ZC3H12C: variants seen among roughly 807,000 people sequenced by gnomAD.
ZC3H12C encodes probable ribonuclease ZC3H12C.
ZC3H12C carries 20 observed loss-of-function variants against 76.3 expected under a neutral mutation model. The observed-to-expected ratio is 0.26, with a 90% confidence interval of 0.18 to 0.38. ZC3H12C has a LOEUF of 0.38. Among genes scored for constraint, ZC3H12C ranks in the 10% least tolerant of loss-of-function variants. The probability of loss-of-function intolerance (pLI) is 1.00; values close to 1 mark genes in which losing one functional copy is unlikely to be tolerated. For missense variants in ZC3H12C, 874 were observed against 1,086.5 expected, an observed-to-expected ratio of 0.80 and a Z score of 2.75; for synonymous variants, 352 against 399.6, an observed-to-expected ratio of 0.88 and a Z score of 1.42.
Position 110,163,356 on chromosome 11 carries a change from A to G in ZC3H12C, c.1232A>G (p.His411Arg). The G allele has an allele frequency of 6.2e-7, 1 of 1,612,584 alleles. No individual in the cohort carries two copies. The highest frequency in any genetic ancestry group is 8.5e-7 in the Non-Finnish European group (1 of 1,179,338). The stretch of plus-strand genomic sequence containing the variant: ...AGGAAGAAACCTATTGTTCCTGAAC[A>G]CAAAAAGCAGCCTTGTCCATATGGT... ...FLRKKPIVPE[H>R]KKQPCPYGKK... Residue 411 changes from histidine (H) to arginine (R), a missense_variant, in exon 5 of 6, where the codon CAC (histidine) becomes CGC (arginine). His to Arg is a conservative substitution (Grantham distance 29). Around this residue, in one of 3 missense-constraint regions of ZC3H12C, gnomAD observed 269 missense variants for 424.9 expected, o/e 0.63. Transcript: ENST00000278590.
chr11:110,158,238 G>A (rs1055419180), intron 3 of ZC3H12C, among the ~76,000 whole-genome samples: 6 of 152,136 alleles, frequency 3.9e-5, no homozygotes, highest in Non-Finnish European at 8.8e-5. Context: ...AGCCGGGCAC[G>A]GTGGCTCACT....
At position 110,169,820 on chromosome 11, in the gene ZC3H12C, G is replaced by A. The variant is rs1195202031; in HGVS notation, c.*4083G>A. 6.6e-6 allele frequency: 1 copy of A among 152,204 alleles called. No homozygotes were observed. Among genetic ancestry groups the A allele is most frequent in the African/African-American group, 2.4e-5 (1 of 41,450 alleles). 9.4% of individuals were successfully genotyped at this position (152,204 alleles called of 1,614,324 possible). The stretch of plus-strand genomic sequence containing the variant: ...GACTTTTTCTGTAAAGGATCAGATA[G>A]TAAATAATACAGGAATCATATGGAC... On this transcript the variant is annotated 3_prime_UTR_variant, in exon 6 of 6. Transcript: ENST00000278590.
At chr11:110,095,714 A>G (rs1293852741) in intron 1 of ZC3H12C, among the ~76,000 whole-genome samples, 2 of 152,170 alleles carry the variant, frequency 1.3e-5, no homozygotes, top group Admixed American at 6.5e-5. Context: ...GGTACTGGGG[A>G]GTGCCTCAAA....
chr11:110,125,427 T>C (rs1861726036), intron 1 of ZC3H12C, among the ~76,000 whole-genome samples: 1 of 151,964 alleles, frequency 6.6e-6, no homozygotes, highest in Non-Finnish European at 1.5e-5. Context: ...TTCAAGGGAT[T>C]CTCCTGCCTC....
intron 1 of ZC3H12C, among the ~76,000 whole-genome samples, chr11:110,096,828 G>A (rs1030314108): frequency 6.6e-6 from 1 of 152,198 alleles, no homozygotes; most frequent in Non-Finnish European, 1.5e-5. Flanking sequence ...TTGAAGGCAA[G>A]GACCGTGTCT....
intron 1 of ZC3H12C, among the ~76,000 whole-genome samples, chr11:110,101,267 A>C (rs1315539436): frequency 1.3e-5 from 2 of 152,222 alleles, no homozygotes; most frequent in Admixed American, 1.3e-4. Context: ...TTAAGGAAAA[A>C]AGCAAGAGTG....
In ZC3H12C at chr11:110,163,354, A is replaced by G. The variant is rs571337036; in HGVS notation, c.1230A>G (p.Glu410=). The G allele has an allele frequency of 1.5e-5, 24 of 1,612,682 alleles. No individual in the cohort carries two copies. In the South Asian group the frequency reaches 2.5e-4, roughly 17 times the overall value. The change falls in exon 5 of 6, where the codon GAA becomes GAG. Residue 410 remains glutamate (E), a synonymous_variant. Coordinates refer to ENST00000278590, the MANE Select transcript of ZC3H12C (RefSeq NM_033390.2). ...NFLRKKPIVP[E]HKKQPCPYGK... is the part of the protein sequence containing the mutation. ...TGAGGAAGAAACCTATTGTTCCTGA[A>G]CACAAAAAGCAGCCTTGTCCATATG...
intron 1 of ZC3H12C, among the ~76,000 whole-genome samples, chr11:110,115,182 C>T (rs1861502129): frequency 6.6e-6 from 1 of 152,180 alleles, no homozygotes; most frequent in South Asian, 2.1e-4. Flanking sequence ...TGATGGCTCA[C>T]TGCAGCCTCG....
chr11:110,146,265 G>A (rs933121005), intron 2 of ZC3H12C, among the ~76,000 whole-genome samples: 9 of 152,208 alleles, frequency 5.9e-5, no homozygotes, highest in Non-Finnish European at 1.0e-4. Flanking sequence ...TAGAATTACA[G>A]GCATGAGCCG....
chr11:110,119,676 C>T lies in ZC3H12C; in HGVS notation c.22-16987C>T, dbSNP rs78258894. On this transcript the variant is annotated intron_variant, in intron 1 of 5. Transcript: ENST00000278590. ...TTATAAATAATAGAAATGTATTGCT[C>T]ACAGTTCTGGAAGCTGGGAAGTCCA... 3.1e-3 allele frequency among the ~76,000 whole-genome samples: 468 copies of T among 152,268 alleles called. 1 individual carries two copies. The highest frequency in any genetic ancestry group is 0.011 in the African/African-American group (439 of 41,552).
intron 2 of ZC3H12C, among the ~76,000 whole-genome samples, chr11:110,139,614 A>C (rs956106185): frequency 1.3e-5 from 2 of 152,180 alleles, no homozygotes; most frequent in Non-Finnish European, 2.9e-5. Flanking sequence ...TTGACCACAA[A>C]ATAATCTTTT....
At chr11:110,139,534 G>A (rs1862031467) in intron 2 of ZC3H12C, among the ~76,000 whole-genome samples, 1 of 152,116 alleles carries the variant, frequency 6.6e-6, no homozygotes, top group Non-Finnish European at 1.5e-5. Flanking sequence ...GTGTCATAGA[G>A]GTATGGAATG....
intron 1 of ZC3H12C, among the ~76,000 whole-genome samples, chr11:110,104,290 C>T (rs1861278239): frequency 6.6e-6 from 1 of 152,034 alleles, no homozygotes; most frequent in African/African-American, 2.4e-5. Flanking sequence ...AACTCCTGAC[C>T]TCACATAATC....
chr11:110,136,871 A>G lies in ZC3H12C; in HGVS notation c.230A>G (p.Glu77Gly). 6.2e-7 allele frequency: 1 copy of G among 1,613,902 alleles called. No homozygotes were observed. Among genetic ancestry groups the G allele is most frequent in the Non-Finnish European group, 8.5e-7 (1 of 1,179,848 alleles). ...GATACCGTTAATGTGGGGAAGGATG[A>G]AAAAGAGGCGTCTGAAGAGAATGCA... ...SMDTVNVGKD[E>G]KEASEENASS... Residue 77 changes from glutamate (E) to glycine (G), a missense_variant, in exon 2 of 6, where the codon GAA becomes GGA. Glu to Gly is a moderately conservative substitution (Grantham distance 98, BLOSUM62 -2). Around this residue, in one of 3 missense-constraint regions of ZC3H12C, gnomAD observed 210 missense variants for 227.1 expected, o/e 0.92. Transcript: ENST00000278590.
In ZC3H12C at chr11:110,170,275, A is replaced by G. The variant is rs528610277; in HGVS notation, c.*4538A>G. 4 of 152,308 alleles carry G rather than the reference A, an allele frequency of 2.6e-5. No homozygotes were observed. Among genetic ancestry groups the G allele is most frequent in the South Asian group, 4.1e-4 (2 of 4,828 alleles). 9.4% of individuals were successfully genotyped at this position (152,308 alleles called of 1,614,324 possible). On this transcript the variant is annotated 3_prime_UTR_variant, in exon 6 of 6. Coordinates refer to ENST00000278590, the MANE Select transcript of ZC3H12C (RefSeq NM_033390.2). Reference sequence around the variant, plus strand: ...ATAAACTTTTCATTTCTGTTGATAAATGGGAATCCCTTACCAACCTTTTGT... The same window carrying G: ...ATAAACTTTTCATTTCTGTTGATAAGTGGGAATCCCTTACCAACCTTTTGT...
At chr11:110,123,484 G>A (rs904355653) in intron 1 of ZC3H12C, among the ~76,000 whole-genome samples, 3 of 152,172 alleles carry the variant, frequency 2.0e-5, no homozygotes, top group East Asian at 3.8e-4. Flanking sequence ...AAGGAATGTT[G>A]TTTTTGTGGA....
At chr11:110,093,914 C>G (rs1404917385) in intron 1 of ZC3H12C, among the ~76,000 whole-genome samples, 1 of 152,138 alleles carries the variant, frequency 6.6e-6, no homozygotes, top group Non-Finnish European at 1.5e-5. Flanking sequence ...ATCCATCCCT[C>G]CATCCAGATC....
chr11:110,134,503 AT>A (rs58317220), intron 1 of ZC3H12C, among the ~76,000 whole-genome samples: 75,546 of 151,812 alleles, frequency 0.5, 19,076 homozygotes, highest in East Asian at 0.72. Context: ...TGCTGCTGTG[AT>A]TTTGTTACTT....
intron 1 of ZC3H12C, among the ~76,000 whole-genome samples, chr11:110,116,625 A>G (rs1407091293): frequency 6.6e-6 from 1 of 152,190 alleles, no homozygotes. Flanking sequence ...AATAATGACA[A>G]TCAGGTTTTC....
Sources: gnomAD v4.1 joint callset for allele counts (sites outside exome capture counted in the v4.1 genomes callset) on GRCh38, gnomAD v4.1.1 for gene constraint, gnomAD v4.1.1 regional missense constraint, MANE v1.5 for transcripts, NCBI Gene and HGNC (gene_info 2026-07-23, HGNC 2026-07-21) for gene names.